Variants in EBF2 observed in about 807,000 individuals in gnomAD.
EBF2 encodes EBF transcription factor 2.
Under a neutral mutation model 72.8 loss-of-function variants are expected in EBF2, and 21 were observed. The observed-to-expected ratio is 0.29, with a 90% CI of 0.20 to 0.42. The LOEUF is 0.42. Ranked by LOEUF, EBF2 falls within the 10% of genes least tolerant of loss-of-function variation. EBF2 has a pLI of 1.00. For synonymous variants in EBF2, 299 were observed against 274.2 expected, an observed-to-expected ratio of 1.09 and a Z score of -0.89; for missense variants, 637 against 731.2, an observed-to-expected ratio of 0.87 and a Z score of 1.49.
intron 6 of EBF2, among the ~76,000 whole-genome samples, chr8:25,981,080 C>A (rs73555934): frequency 0.08 from 12,109 of 152,170 alleles, 1,590 homozygotes; most frequent in African/African-American, 0.27. Context: ...CCTCTCTAAG[C>A]CTTGCTCCTC....
chr8:26,007,538 C>A (rs1804902027), intron 6 of EBF2, among the ~76,000 whole-genome samples: 1 of 151,986 alleles, frequency 6.6e-6, no homozygotes, highest in Admixed American at 6.6e-5. Flanking sequence ...TGGATGGAAA[C>A]TAAAACAGTC....
rs576012681 is a variant in EBF2 at position 25,916,309 on chromosome 8, A to T, written c.552-7754T>A. ...TCAAAAAAAAAAAAAAAAGCAAAAA[A>T]CCCAAAAAAAACAAAAAACAACAAC... On this transcript the variant is annotated intron_variant, in intron 6 of 15. Transcript: ENST00000520164. Among the ~76,000 whole-genome samples the T allele has an allele frequency of 4.6e-5, 7 of 151,158 alleles. No individual in the cohort carries two copies. In the South Asian group the frequency reaches 1.5e-3, roughly 32 times the overall value.
At chr8:25,910,892 G>A (rs1479713069) in intron 6 of EBF2, among the ~76,000 whole-genome samples, 1 of 152,158 alleles carries the variant, frequency 6.6e-6, no homozygotes, top group Non-Finnish European at 1.5e-5. Context: ...CTAAAAGAAG[G>A]TATTGCTACT....
chr8:25,970,974 A>C (rs1018611357), intron 6 of EBF2, among the ~76,000 whole-genome samples: 2 of 152,206 alleles, frequency 1.3e-5, no homozygotes, highest in Non-Finnish European at 2.9e-5. Context: ...CTGAGACTAC[A>C]GGCACATGCC....
intron 14 of EBF2, among the ~76,000 whole-genome samples, chr8:25,854,579 G>A (rs979712126): frequency 3.3e-5 from 5 of 152,156 alleles, no homozygotes; most frequent in African/African-American, 1.2e-4. Context: ...CAGACACAGA[G>A]TGTGCCATTT....
At chr8:25,924,735 C>T (rs1313339449) in intron 6 of EBF2, among the ~76,000 whole-genome samples, 3 of 152,166 alleles carry the variant, frequency 2.0e-5, no homozygotes, top group Non-Finnish European at 2.9e-5. Context: ...TGACTAATCC[C>T]GAAGTTCTGT....
In EBF2 at chr8:25,886,851, T is replaced by G; in HGVS notation, c.913A>C (p.Thr305Pro). 6.2e-7 allele frequency: 1 copy of G among 1,612,490 alleles called. No individual in the cohort carries two copies. The highest frequency in any genetic ancestry group is 8.5e-7 in the Non-Finnish European group (1 of 1,179,356). ...ACGCCTGGGATGTGCCGGGGAGGAG[T>G]CTGTACTCTGATGGCATGAGGGGTT... is the stretch of plus-strand genomic sequence containing the variant. Reference protein sequence around the residue: ...LITPHAIRVQTPPRHIPGVVE... With the variant: ...LITPHAIRVQPPPRHIPGVVE... The change falls in exon 10 of 16, where the codon ACT becomes CCT. Residue 305 changes from threonine to proline, a missense_variant. By Grantham distance (38) the Thr-to-Pro change is conservative (BLOSUM62 -1). Transcript: ENST00000520164.
intron 6 of EBF2, among the ~76,000 whole-genome samples, chr8:25,993,111 TC>T (rs1804571823): frequency 1.3e-5 from 2 of 151,980 alleles, no homozygotes; most frequent in East Asian, 3.9e-4. Flanking sequence ...GAAAATCCAC[TC>T]CCCTGAAAAA....
intron 7 of EBF2, among the ~76,000 whole-genome samples, chr8:25,892,469 T>C (rs118189324): frequency 0.037 from 5,566 of 152,286 alleles, 140 homozygotes; most frequent in Admixed American, 0.06. Flanking sequence ...ATTTACACTG[T>C]GATCAAGAAG....
rs150073061 is a variant in EBF2, at chr8:26,010,577, C to G, written c.551+22508G>C. ...ATACCCAGCGACGCGCAGCTGAGCA[C>G]CGAGAGGAGCACAATCGTGACAGCT... On this transcript the variant is annotated intron_variant, in intron 6 of 15. Transcript: ENST00000520164. 1.4e-4 allele frequency among the ~76,000 whole-genome samples: 21 copies of G among 152,378 alleles called. 1 individual carries two copies. In the East Asian group the frequency reaches 3.9e-3, roughly 28 times the overall value.
intron 6 of EBF2, among the ~76,000 whole-genome samples, chr8:25,946,927 T>C (rs943031234): frequency 6.6e-6 from 1 of 152,218 alleles, no homozygotes; most frequent in African/African-American, 2.4e-5. Context: ...GAGTTACGTT[T>C]TTTTGTGACT....
chr8:26,018,845 A>G (rs1452574058), intron 6 of EBF2, among the ~76,000 whole-genome samples: 2 of 148,616 alleles, frequency 1.3e-5, no homozygotes, highest in Non-Finnish European at 3.0e-5. Context: ...AACATTTACC[A>G]TTTCCTTCCA....
intron 6 of EBF2, among the ~76,000 whole-genome samples, chr8:25,911,675 GA>G (rs1009643189): frequency 2.6e-4 from 39 of 152,308 alleles, no homozygotes; most frequent in African/African-American, 7.7e-4. Context: ...TGACTGCAAA[GA>G]AAAATGTACA....
intron 6 of EBF2, among the ~76,000 whole-genome samples, chr8:26,025,694 T>TC (rs1223488118): frequency 6.6e-6 from 1 of 152,196 alleles, no homozygotes; most frequent in Non-Finnish European, 1.5e-5. Context: ...GGACACTTTT[T>TC]CCCAGCTACA....
At chr8:25,865,506 C>A (rs1802293706) in intron 10 of EBF2, among the ~76,000 whole-genome samples, 1 of 152,100 alleles carries the variant, frequency 6.6e-6, no homozygotes, top group Admixed American at 6.5e-5. Flanking sequence ...TGAACGTGAG[C>A]TGTTTAAAAT....
At chr8:25,890,922 G>A (rs1802767073) in intron 7 of EBF2, among the ~76,000 whole-genome samples, 1 of 152,220 alleles carries the variant, frequency 6.6e-6, no homozygotes, top group South Asian at 2.1e-4. Flanking sequence ...AGTGCTTGGT[G>A]TGTGCCAAAC....
intron 6 of EBF2, among the ~76,000 whole-genome samples, chr8:25,919,060 G>A (rs1240639115): frequency 1.3e-5 from 2 of 152,168 alleles, no homozygotes; most frequent in African/African-American, 2.4e-5. Context: ...CATTAGGACT[G>A]TATCCATTCG....
chr8:25,995,108 C>G (rs565702533), intron 6 of EBF2, among the ~76,000 whole-genome samples: 2 of 152,156 alleles, frequency 1.3e-5, no homozygotes, highest in Admixed American at 6.5e-5. Context: ...GAGTTCGAGA[C>G]CAGCCTGACC....
Position 25,844,658 on chromosome 8 carries a change from C to T in EBF2, c.1697-18G>A, listed in dbSNP as rs373844134. 1 of 1,613,714 alleles carries T rather than the reference C, an allele frequency of 6.2e-7. No individual in the cohort carries two copies. The highest frequency in any genetic ancestry group is 1.3e-5 in the African/African-American group (1 of 74,882). ...GGTCATGGCTGCAAGGAAAGAGTGG[C>T]ACAGGAATGAGACTTGGGGACTTTT... On this transcript the variant is annotated intron_variant, in intron 15 of 15. Transcript: ENST00000520164.
Sources: gnomAD v4.1 joint callset for allele counts (sites outside exome capture counted in the v4.1 genomes callset) on GRCh38, gnomAD v4.1.1 for gene constraint, MANE v1.5 for transcripts, NCBI Gene and HGNC (gene_info 2026-07-23, HGNC 2026-07-21) for gene names.